Variants in SSBP2 observed in about 807,000 individuals in gnomAD.
SSBP2 encodes the protein single-stranded DNA-binding protein 2.
In SSBP2, 17 loss-of-function variants were observed where a neutral mutation model predicts 61.8. The observed-to-expected ratio is 0.28, with a 90% CI of 0.19 to 0.41. The LOEUF (loss-of-function observed/expected upper bound fraction) is 0.41, where lower values mean the gene tolerates loss of function less well. Among genes scored for constraint, SSBP2 ranks in the 10% least tolerant of loss-of-function variants. SSBP2 has a pLI of 1.00. For missense variants in SSBP2, 310 were observed against 458.7 expected, an observed-to-expected ratio of 0.68 and a Z score of 2.96; for synonymous variants, 139 against 141.3, an observed-to-expected ratio of 0.98 and a Z score of 0.12.
In SSBP2 at chr5:81,700,996, T is replaced by C. The variant is rs563129840; in HGVS notation, c.62+49985A>G. On this transcript the variant is annotated intron_variant, in intron 1 of 16. Transcript: ENST00000320672. ...CACTGGAGTAGCCCTTTTAATTTCC[T>C]TTAGGAAGCTTTTCTTTGCATTCAA... 2.6e-4 allele frequency among the ~76,000 whole-genome samples: 39 copies of C among 152,370 alleles called. No individual in the cohort carries two copies. In the South Asian group the frequency reaches 7.9e-3, roughly 31 times the overall value.
At chr5:81,629,733 T>C (rs1464314229) in intron 3 of SSBP2, among the ~76,000 whole-genome samples, 1 of 152,216 alleles carries the variant, frequency 6.6e-6, no homozygotes, top group Non-Finnish European at 1.5e-5. Flanking sequence ...AAAAATTGTA[T>C]ATATTTAAGA....
chr5:81,587,318 G>A (rs1561570809), intron 4 of SSBP2, among the ~76,000 whole-genome samples: 1 of 152,072 alleles, frequency 6.6e-6, no homozygotes, highest in Non-Finnish European at 1.5e-5. Flanking sequence ...TATGATTAGG[G>A]TTGTTTGAGG....
chr5:81,750,901 T>C, intron 1 of SSBP2, 80 bp downstream of exon 1: 1 of 1,445,986 alleles, frequency 6.9e-7, no homozygotes, highest in Non-Finnish European at 9.5e-7. Flanking sequence ...AGAGTGTCTG[T>C]GTCTCCCAGA....
chr5:81,461,032 A>C (rs1197403061), intron 10 of SSBP2, 23 bp downstream of exon 10: 2 of 1,302,802 alleles, frequency 1.5e-6, no homozygotes, highest in Non-Finnish European at 2.0e-6. Flanking sequence ...AAAATATTAA[A>C]AAAAATATAT....
intron 4 of SSBP2, among the ~76,000 whole-genome samples, chr5:81,538,029 C>A (rs1007500148): frequency 1.3e-5 from 2 of 152,132 alleles, no homozygotes; most frequent in African/African-American, 2.4e-5. Flanking sequence ...ACATCTCTCA[C>A]TCTAAATCAA....
At chr5:81,591,360 T>C (rs1775485740) in intron 4 of SSBP2, among the ~76,000 whole-genome samples, 2 of 152,172 alleles carry the variant, frequency 1.3e-5, no homozygotes, top group South Asian at 2.1e-4. Flanking sequence ...TCTACTGCTA[T>C]ATAGATGTTA....
intron 4 of SSBP2, among the ~76,000 whole-genome samples, chr5:81,547,809 C>A (rs1487538050): frequency 1.3e-5 from 2 of 151,942 alleles, no homozygotes; most frequent in Non-Finnish European, 2.9e-5. Context: ...GTGAAGGAAA[C>A]CAATCTGAAA....
chr5:81,479,816 T>G (rs1765855201), intron 6 of SSBP2, among the ~76,000 whole-genome samples: 1 of 152,230 alleles, frequency 6.6e-6, no homozygotes. Context: ...AGGTTTAATA[T>G]GTAACTAATT....
At chr5:81,473,248 T>C (rs2154022872) in intron 8 of SSBP2, among the ~76,000 whole-genome samples, 2 of 152,352 alleles carry the variant, frequency 1.3e-5, no homozygotes, top group Middle Eastern at 6.8e-3. Flanking sequence ...ATTATTCATT[T>C]ATTTATTTTA....
intron 1 of SSBP2, among the ~76,000 whole-genome samples, chr5:81,700,429 A>C (rs960568221): frequency 1.3e-5 from 2 of 152,228 alleles, no homozygotes; most frequent in East Asian, 3.8e-4. Context: ...TTTATAGTGC[A>C]CAGGCAGAGT....
At chr5:81,640,453 A>G (rs1748683074) in intron 2 of SSBP2, among the ~76,000 whole-genome samples, 1 of 152,180 alleles carries the variant, frequency 6.6e-6, no homozygotes. Context: ...TGAACAATAA[A>G]CCAGAACACA....
At chr5:81,609,854 A>G (rs1204160291) in intron 4 of SSBP2, among the ~76,000 whole-genome samples, 1 of 152,064 alleles carries the variant, frequency 6.6e-6, no homozygotes, top group Non-Finnish European at 1.5e-5. Flanking sequence ...TCACAAACCA[A>G]TCAGAATGCA....
chr5:81,501,051 T>C (rs1331145218), intron 5 of SSBP2, among the ~76,000 whole-genome samples: 6 of 148,488 alleles, frequency 4.0e-5, no homozygotes, highest in Non-Finnish European at 9.0e-5. Flanking sequence ...CCGTCTCTAG[T>C]AAAAATACAA....
At chr5:81,561,957 C>T (rs1382854567) in intron 4 of SSBP2, among the ~76,000 whole-genome samples, 1 of 152,064 alleles carries the variant, frequency 6.6e-6, no homozygotes, top group Non-Finnish European at 1.5e-5. Flanking sequence ...CAGGCTAGAG[C>T]GCAATGGCAC....
chr5:81,461,595 A>G (rs913316671), intron 9 of SSBP2, among the ~76,000 whole-genome samples: 1 of 152,130 alleles, frequency 6.6e-6, no homozygotes, highest in Middle Eastern at 3.4e-3. Flanking sequence ...TGCCTTTTAA[A>G]AAAAAACCAC....
At chr5:81,661,638 G>T (rs1400834332) in intron 1 of SSBP2, among the ~76,000 whole-genome samples, 1 of 151,862 alleles carries the variant, frequency 6.6e-6, no homozygotes, top group East Asian at 1.9e-4. Context: ...TTGGCCATTG[G>T]TATGTTTTAT....
At chr5:81,500,976 G>A (rs1767665064) in intron 5 of SSBP2, among the ~76,000 whole-genome samples, 1 of 150,726 alleles carries the variant, frequency 6.6e-6, no homozygotes, top group Non-Finnish European at 1.5e-5. Flanking sequence ...CACTTTGGGA[G>A]GCAAAGGCAG....
intron 14 of SSBP2, among the ~76,000 whole-genome samples, chr5:81,438,137 G>A (rs1295020075): frequency 6.6e-6 from 1 of 151,962 alleles, no homozygotes; most frequent in African/African-American, 2.4e-5. Flanking sequence ...ATCATTTGAG[G>A]TCCGGAGTTC....
chr5:81,439,578 T>C (rs532636876), intron 14 of SSBP2, among the ~76,000 whole-genome samples: 1 of 151,498 alleles, frequency 6.6e-6, no homozygotes, highest in South Asian at 2.1e-4. Context: ...CTCGGCTCAC[T>C]GCACCCTCTG....
Sources: gnomAD v4.1 joint callset for allele counts (sites outside exome capture counted in the v4.1 genomes callset) on GRCh38, gnomAD v4.1.1 for gene constraint, MANE v1.5 for transcripts, NCBI Gene and HGNC (gene_info 2026-07-23, HGNC 2026-07-21) for gene names.